TBC1D1: variants seen among roughly 807,000 people sequenced by gnomAD.
The protein encoded by TBC1D1 is TBC1 domain family member 1.
A neutral mutation model predicts 125.6 loss-of-function variants in TBC1D1; 89 were observed. The ratio of observed to expected loss-of-function variants is 0.71; its 90% CI spans 0.60 to 0.85. The LOEUF (loss-of-function observed/expected upper bound fraction) is 0.85, where lower values mean the gene tolerates loss of function less well. TBC1D1 is among the 40% of genes least tolerant of loss of function. The pLI, the probability that TBC1D1 is intolerant of heterozygous loss-of-function variation, is 0.00. For synonymous variants in TBC1D1, 565 were observed against 564.1 expected (o/e 1.00, Z -0.02); for missense variants, 1,377 against 1,469.2 (o/e 0.94, Z 1.03).
At position 38,125,085 on chromosome 4, in the gene TBC1D1, C is replaced by T. The variant is rs145666066; in HGVS notation, c.3086C>T (p.Thr1029Met). The change falls in exon 18 of 20, where the codon ACG (threonine) becomes ATG (methionine). Residue 1029 changes from threonine to methionine, a missense_variant. Thr to Met is a moderately conservative substitution (Grantham distance 81). This residue lies in a region of TBC1D1 where 543 missense variants were observed against 613.5 expected (regional missense o/e 0.89). Transcript: ENST00000261439. ...ACCATAGTTGACTTTATAAAAAGCA[C>T]GCTACCCAACCTTGGCTTGGTACAG... The T allele has an allele frequency of 3.2e-5, 52 of 1,613,960 alleles. No homozygotes were observed. The highest frequency in any genetic ancestry group is 3.3e-4 in the Middle Eastern group (2 of 6,084).
chr4:37,985,685 G>A (rs1359881964), intron 2 of TBC1D1, among the ~76,000 whole-genome samples: 7 of 152,208 alleles, frequency 4.6e-5, no homozygotes, highest in East Asian at 1.9e-4. Flanking sequence ...AAACATGGTC[G>A]AATGGGCAGT....
At chr4:37,984,907 G>A (rs540884904) in intron 2 of TBC1D1, among the ~76,000 whole-genome samples, 7 of 151,736 alleles carry the variant, frequency 4.6e-5, no homozygotes, top group African/African-American at 1.7e-4. Context: ...TAATATTCAC[G>A]AACATCTGTA....
intron 12 of TBC1D1, among the ~76,000 whole-genome samples, chr4:38,077,819 A>G (rs1406902544): frequency 1.3e-5 from 2 of 152,082 alleles, no homozygotes; most frequent in Non-Finnish European, 2.9e-5. Context: ...GCACTCCATG[A>G]TAATCCAGGG....
At chr4:38,039,146 C>G (rs1316404001) in intron 8 of TBC1D1, among the ~76,000 whole-genome samples, 1 of 87,574 alleles carries the variant, frequency 1.1e-5, no homozygotes, top group Non-Finnish European at 2.0e-5. Flanking sequence ...GAGACAGAGT[C>G]TCACTCTGTC....
At chr4:37,950,745 A>G (rs1727668635) in intron 2 of TBC1D1, among the ~76,000 whole-genome samples, 1 of 150,830 alleles carries the variant, frequency 6.6e-6, no homozygotes, top group Non-Finnish European at 1.5e-5. Context: ...CAAATGTACA[A>G]TGACATGTAG....
intron 6 of TBC1D1, among the ~76,000 whole-genome samples, chr4:38,024,860 A>G (rs571103079): frequency 5.4e-4 from 82 of 152,338 alleles, no homozygotes; most frequent in African/African-American, 1.7e-3. Flanking sequence ...ACACAAAGAA[A>G]GACTTAAAAG....
At chr4:38,072,194 T>G (rs781473700) in intron 12 of TBC1D1, among the ~76,000 whole-genome samples, 2 of 151,508 alleles carry the variant, frequency 1.3e-5, no homozygotes, top group Non-Finnish European at 2.9e-5. Flanking sequence ...TATGTACACC[T>G]AGAGAGAGAG....
intron 18 of TBC1D1, among the ~76,000 whole-genome samples, chr4:38,129,114 G>T (rs919352535): frequency 2.6e-5 from 4 of 152,174 alleles, no homozygotes; most frequent in Admixed American, 2.0e-4. Flanking sequence ...CTGCATTTCA[G>T]TGAGATCACC....
intron 2 of TBC1D1, among the ~76,000 whole-genome samples, chr4:37,910,215 C>A (rs16994072): frequency 0.074 from 11,265 of 152,154 alleles, 1,228 homozygotes; most frequent in African/African-American, 0.24. Flanking sequence ...TAAGAATAGA[C>A]TTTACAAGTG....
intron 2 of TBC1D1, among the ~76,000 whole-genome samples, chr4:37,953,710 G>T (rs376135171): frequency 6.6e-6 from 1 of 152,284 alleles, no homozygotes. Context: ...CTCCTTCAAG[G>T]GAGGGATAAA....
intron 9 of TBC1D1, 79 bp downstream of exon 9, chr4:38,044,569 C>T: frequency 7.3e-7 from 1 of 1,375,600 alleles, no homozygotes; most frequent in Admixed American, 2.5e-5. Flanking sequence ...GCTTTTATTC[C>T]ATCAATGTTC....
At chr4:38,041,740 A>G (rs1253671177) in intron 8 of TBC1D1, among the ~76,000 whole-genome samples, 1 of 152,280 alleles carries the variant, frequency 6.6e-6, no homozygotes, top group Non-Finnish European at 1.5e-5. Flanking sequence ...AGTTTCAACT[A>G]CATATCTTTT....
chr4:38,018,213 A>G, intron 3 of TBC1D1, 141 bp from the exon 4 acceptor site: 2 of 643,604 alleles, frequency 3.1e-6, no homozygotes, highest in South Asian at 3.8e-5. Context: ...TGAAATCCAG[A>G]GGATAAGAGG....
At chr4:38,109,943 G>C (rs1295850028) in intron 15 of TBC1D1, among the ~76,000 whole-genome samples, 1 of 152,152 alleles carries the variant, frequency 6.6e-6, no homozygotes, top group Admixed American at 6.5e-5. Context: ...TAGGTTGTAG[G>C]GTTTCTCTTC....
At chr4:38,107,246 G>A (rs1007161747) in intron 15 of TBC1D1, among the ~76,000 whole-genome samples, 2 of 152,130 alleles carry the variant, frequency 1.3e-5, no homozygotes, top group African/African-American at 2.4e-5. Flanking sequence ...CTGCCTGCCC[G>A]GCTGACTCCG....
At chr4:38,069,657 A>G (rs1754362789) in intron 12 of TBC1D1, among the ~76,000 whole-genome samples, 1 of 152,012 alleles carries the variant, frequency 6.6e-6, no homozygotes, top group South Asian at 2.1e-4. Flanking sequence ...CCAGATCTGT[A>G]TGACCTGTTA....
intron 6 of TBC1D1, among the ~76,000 whole-genome samples, chr4:38,027,153 G>C (rs1172577788): frequency 6.6e-6 from 1 of 152,214 alleles, no homozygotes; most frequent in East Asian, 1.9e-4. Context: ...TTGGTCTGTG[G>C]AATGACGTAA....
chr4:37,920,389 AG>A (rs1437614085), intron 2 of TBC1D1, among the ~76,000 whole-genome samples: 1 of 152,148 alleles, frequency 6.6e-6, no homozygotes, highest in Non-Finnish European at 1.5e-5. Context: ...ATCTTTAAGG[AG>A]GAATAAGAAC....
In TBC1D1 at chr4:38,020,578, C is replaced by G. The variant is rs1377454644; in HGVS notation, c.973-13C>G. 6.2e-6 allele frequency: 10 copies of G among 1,610,076 alleles called. No individual in the cohort carries two copies. The highest frequency in any genetic ancestry group is 8.5e-6 in the Non-Finnish European group (10 of 1,177,044). The stretch of plus-strand genomic sequence containing the variant: ...TGGATACAACTGAACATCTCGTTCT[C>G]TCCCTTTGGCAGGGCATCAGACACG... On this transcript the variant is annotated splice_polypyrimidine_tract_variant and intron_variant, in intron 4 of 19. Transcript: ENST00000261439.
Sources: allele counts gnomAD v4.1 joint callset (sites outside exome capture counted in the v4.1 genomes callset), GRCh38; gene constraint gnomAD v4.1.1; regional missense constraint gnomAD v4.1.1; transcripts MANE v1.5; gene names NCBI Gene and HGNC (gene_info 2026-07-23, HGNC 2026-07-21).